Variants in CACNG3 observed in about 807,000 individuals in gnomAD.
CACNG3 encodes voltage-dependent calcium channel gamma-3 subunit.
In CACNG3, 3 loss-of-function variants were observed where a neutral mutation model predicts 28.5. That is an observed-to-expected ratio of 0.11 (90% CI 0.05 to 0.27). The LOEUF is 0.27. CACNG3 is among the 10% of genes least tolerant of loss of function. The pLI is 1.00. For synonymous variants in CACNG3, 174 were observed against 162.2 expected (o/e 1.07, Z -0.55); for missense variants, 236 against 414.4 (o/e 0.57, Z 3.74).
At chr16:24,312,805 T>G (rs1899281130) in intron 1 of CACNG3, among the ~76,000 whole-genome samples, 1 of 147,294 alleles carries the variant, frequency 6.8e-6, no homozygotes, top group Non-Finnish European at 1.5e-5. Flanking sequence ...GACCACAGAG[T>G]GAGACCTTGT....
chr16:24,329,527 CAT>C (rs1337614755), intron 1 of CACNG3, among the ~76,000 whole-genome samples: 2 of 152,196 alleles, frequency 1.3e-5, no homozygotes, highest in African/African-American at 4.8e-5. Flanking sequence ...TGATTCTGCA[CAT>C]GTTTATGTAG....
rs138175327 is a variant in CACNG3, at chr16:24,347,639, C to T, written c.295+822C>T. On this transcript the variant is annotated intron_variant, in intron 2 of 3. Coordinates refer to ENST00000005284, the MANE Select transcript of CACNG3 (RefSeq NM_006539.4). ...CCCAAGTTCACCTCTTCTTTGACTT[C>T]CCTCCAGTTTCAGTCCTACTGGGAC... Among the ~76,000 whole-genome samples the T allele has an allele frequency of 5.2e-3, 794 of 152,294 alleles. 11 individuals carry two copies. Among genetic ancestry groups the T allele is most frequent in the Non-Finnish European group, 6.6e-3 (447 of 68,028 alleles).
rs144816983 is a variant in CACNG3 at position 24,256,974 on chromosome 16, A to G, written c.211+9A>G. On this transcript the variant is annotated intron_variant, in intron 1 of 3. Transcript: ENST00000005284. This position sits in a 1 kb window ranked among gnomAD's most constrained non-coding sequence, Gnocchi z 4.6. Reference sequence around the variant, plus strand: ...GACCTGCTGCCTAGAAGGTATTTACAATTTCCTCTCAATAGCTCTGAATAA... The same window carrying G: ...GACCTGCTGCCTAGAAGGTATTTACGATTTCCTCTCAATAGCTCTGAATAA... 1.4e-3 allele frequency: 2,201 copies of G among 1,552,350 alleles called. 25 individuals carry two copies. In the African/African-American group the frequency reaches 0.026, roughly 18 times the overall value.
chr16:24,301,304 A>T (rs1899107793), intron 1 of CACNG3, among the ~76,000 whole-genome samples: 1 of 152,124 alleles, frequency 6.6e-6, no homozygotes, highest in South Asian at 2.1e-4. Context: ...AATATGGGTA[A>T]CATTGGGTCA....
intron 2 of CACNG3, among the ~76,000 whole-genome samples, chr16:24,351,702 A>AAGAAAGAAAG (rs1899947339): frequency 1.3e-5 from 1 of 78,696 alleles, no homozygotes; most frequent in South Asian, 7.0e-4. Context: ...AAGAAAGAGA[A>AAGAAAGAAAG]AGAAAGAAAG....
At chr16:24,312,305 C>T (rs1262422585) in intron 1 of CACNG3, among the ~76,000 whole-genome samples, 3 of 152,192 alleles carry the variant, frequency 2.0e-5, no homozygotes, top group Non-Finnish European at 4.4e-5. Flanking sequence ...CCCATCTATG[C>T]TCCTTTTCCT....
At chr16:24,338,707 T>C (rs1188543506) in intron 1 of CACNG3, among the ~76,000 whole-genome samples, 1 of 152,190 alleles carries the variant, frequency 6.6e-6, no homozygotes, top group Admixed American at 6.5e-5. Context: ...TCAGTGAGAA[T>C]GCAAGTTCTG....
chr16:24,264,879 C>T (rs1284007758), intron 1 of CACNG3, among the ~76,000 whole-genome samples: 1 of 152,062 alleles, frequency 6.6e-6, no homozygotes, highest in Non-Finnish European at 1.5e-5. Flanking sequence ...TGTTTATATC[C>T]CACTAAATTG....
chr16:24,339,535 G>A lies in CACNG3; in HGVS notation c.212-7199G>A, dbSNP rs184412418. Among the ~76,000 whole-genome samples the A allele has an allele frequency of 4.9e-4, 75 of 152,040 alleles. 1 individual carries two copies. Among genetic ancestry groups the A allele is most frequent in the Middle Eastern group, 3.4e-3 (1 of 294 alleles). ...TGAGTATCTGGGACTATAGGTGCCC[G>A]CCACCACGCCCAGCTAATTTTTGTA... is the stretch of plus-strand genomic sequence containing the variant. On this transcript the variant is annotated intron_variant, in intron 1 of 3. Coordinates refer to ENST00000005284, the MANE Select transcript of CACNG3 (RefSeq NM_006539.4).
intron 1 of CACNG3, among the ~76,000 whole-genome samples, chr16:24,305,789 G>A (rs533101948): frequency 1.8e-4 from 27 of 152,202 alleles, no homozygotes; most frequent in South Asian, 1.5e-3. Context: ...TTCTGCACAT[G>A]TATCCCAGAA....
At chr16:24,303,756 A>T (rs1341471414) in intron 1 of CACNG3, among the ~76,000 whole-genome samples, 1 of 152,116 alleles carries the variant, frequency 6.6e-6, no homozygotes, top group Non-Finnish European at 1.5e-5. Flanking sequence ...CATCTCTACC[A>T]AAAATGCAAA....
Position 24,257,429 on chromosome 16 carries a change from T to A in CACNG3, c.211+464T>A, listed in dbSNP as rs865891243. Reference sequence around the variant, plus strand: ...AGAGAGAGAGAGAGAGAGAGAGAGATCCTGACCCGGTCTGGCACATTCTGA... The same window carrying A: ...AGAGAGAGAGAGAGAGAGAGAGAGAACCTGACCCGGTCTGGCACATTCTGA... On this transcript the variant is annotated intron_variant, in intron 1 of 3. Coordinates refer to ENST00000005284, the MANE Select transcript of CACNG3 (RefSeq NM_006539.4). 2.0e-4 allele frequency among the ~76,000 whole-genome samples: 13 copies of A among 66,006 alleles called. No individual in the cohort carries two copies. In the South Asian group the frequency reaches 5.8e-3, roughly 29 times the overall value. The allele number at this position is 66,006 out of a possible 152,430, so 43.3% of individuals were successfully genotyped here. A position where few individuals can be genotyped will look rare whatever the true frequency, so the allele number is the denominator to read the frequency against.
chr16:24,353,636 AT>A (rs1899988813), intron 2 of CACNG3, among the ~76,000 whole-genome samples: 1 of 152,004 alleles, frequency 6.6e-6, no homozygotes, highest in Admixed American at 6.5e-5. Context: ...GTGGTTAAAC[AT>A]GTCAGCTATG....
At chr16:24,355,358 G>A (rs1223386461) in intron 3 of CACNG3, among the ~76,000 whole-genome samples, 1 of 97,154 alleles carries the variant, frequency 1.0e-5, no homozygotes. Context: ...AGGATTGTTT[G>A]AGCCCAGGAG....
At chr16:24,287,504 C>T (rs990187970) in intron 1 of CACNG3, among the ~76,000 whole-genome samples, 38 of 116,190 alleles carry the variant, frequency 3.3e-4, no homozygotes, top group African/African-American at 1.3e-3. Context: ...GGCAACAAAG[C>T]GAGACTCTCC....
intron 1 of CACNG3, among the ~76,000 whole-genome samples, chr16:24,317,614 G>GAAAGAAAGGA (rs1899380355): frequency 2.1e-4 from 14 of 66,034 alleles, no homozygotes; most frequent in Admixed American, 5.0e-4. Context: ...AAGAAAGAAA[G>GAAAGAAAGGA]AAAGAAAGAA....
At chr16:24,300,258 C>T (rs1899087844) in intron 1 of CACNG3, among the ~76,000 whole-genome samples, 1 of 152,108 alleles carries the variant, frequency 6.6e-6, no homozygotes, top group Non-Finnish European at 1.5e-5. Context: ...CAATTTACGG[C>T]CCATAGACCT....
chr16:24,314,582 G>A (rs890586978), intron 1 of CACNG3, among the ~76,000 whole-genome samples: 3 of 152,200 alleles, frequency 2.0e-5, no homozygotes, highest in African/African-American at 7.2e-5. Context: ...GTTCTGAAAA[G>A]AAAAAGATTT....
chr16:24,266,878 G>C (rs1362452625), intron 1 of CACNG3, among the ~76,000 whole-genome samples: 1 of 151,982 alleles, frequency 6.6e-6, no homozygotes, highest in Non-Finnish European at 1.5e-5. Context: ...CCTGGGAGCT[G>C]TTTCCAAGGA....
Sources: allele counts gnomAD v4.1 joint callset (sites outside exome capture counted in the v4.1 genomes callset), GRCh38; gene constraint gnomAD v4.1.1; non-coding constraint Gnocchi (gnomAD v3.1); transcripts MANE v1.5; gene names NCBI Gene and HGNC (gene_info 2026-07-23, HGNC 2026-07-21).